Variants in POU6F2 observed in about 807,000 individuals in gnomAD.
The protein encoded by POU6F2 is POU class 6 homeobox 2.
Under a neutral mutation model 71.3 loss-of-function variants are expected in POU6F2, and 31 were observed. That is an observed-to-expected ratio of 0.43 (90% CI 0.33 to 0.59). The LOEUF (loss-of-function observed/expected upper bound fraction) is 0.59. Among genes scored for constraint, POU6F2 ranks in the 20% least tolerant of loss-of-function variants. The probability of loss-of-function intolerance (pLI) is 0.04; values close to 1 mark genes in which losing one functional copy is unlikely to be tolerated. For synonymous variants in POU6F2, 347 were observed against 355.7 expected (o/e 0.98, Z 0.27); for missense variants, 783 against 856.8 (o/e 0.91, Z 1.07).
chr7:39,149,280 A>C (rs1206077924), intron 2 of POU6F2, among the ~76,000 whole-genome samples: 1 of 152,232 alleles, frequency 6.6e-6, no homozygotes, highest in Admixed American at 6.5e-5. Context: ...GCAGAGGTTC[A>C]GTCTATATCC....
chr7:39,267,640 ATT>A (rs200632650), intron 4 of POU6F2, among the ~76,000 whole-genome samples: 1 of 148,720 alleles, frequency 6.7e-6, no homozygotes. Context: ...TATTTTATTT[ATT>A]TTTTTTTTTT....
chr7:39,034,184 A>G (rs1348325305), intron 1 of POU6F2, among the ~76,000 whole-genome samples: 2 of 152,200 alleles, frequency 1.3e-5, no homozygotes, highest in African/African-American at 4.8e-5. Flanking sequence ...GTTTCACAGA[A>G]GAGCTTCATA....
At chr7:39,283,585 G>A (rs1188029514) in intron 4 of POU6F2, among the ~76,000 whole-genome samples, 1 of 152,140 alleles carries the variant, frequency 6.6e-6, no homozygotes, top group Non-Finnish European at 1.5e-5. Context: ...CATTCATGTT[G>A]TAGTATGTAT....
At chr7:39,382,316 G>C (rs1786845699) in intron 5 of POU6F2, among the ~76,000 whole-genome samples, 1 of 152,196 alleles carries the variant, frequency 6.6e-6, no homozygotes, top group Non-Finnish European at 1.5e-5. Context: ...GAGGTTCAGA[G>C]AGACAGAACC....
At chr7:39,214,297 TG>T in intron 4 of POU6F2, among the ~76,000 whole-genome samples, 1 of 152,212 alleles carries the variant, frequency 6.6e-6, no homozygotes, top group East Asian at 1.9e-4. Flanking sequence ...TGAAGCACTC[TG>T]TTCCCACCCA....
chr7:39,047,287 A>G (rs1323404513), intron 1 of POU6F2, among the ~76,000 whole-genome samples: 3 of 151,908 alleles, frequency 2.0e-5, no homozygotes, highest in Non-Finnish European at 4.4e-5. Flanking sequence ...ATGAATCTGT[A>G]TAAATAAAAT....
intron 5 of POU6F2, among the ~76,000 whole-genome samples, chr7:39,405,841 CTCTT>C (rs1406456334): frequency 2.6e-5 from 4 of 152,198 alleles, no homozygotes; most frequent in Non-Finnish European, 1.5e-5. Context: ...CTCCCACTCT[CTCTT>C]TCTTCCTCCC....
chr7:39,369,097 A>C (rs528764863), intron 5 of POU6F2, among the ~76,000 whole-genome samples: 2 of 152,316 alleles, frequency 1.3e-5, no homozygotes, highest in African/African-American at 4.8e-5. Context: ...CTTGAGATGG[A>C]ATCTACTCCT....
chr7:39,308,607 T>C (rs1785094620), intron 4 of POU6F2, among the ~76,000 whole-genome samples: 1 of 152,136 alleles, frequency 6.6e-6, no homozygotes, highest in South Asian at 2.1e-4. Flanking sequence ...CAGAACATTA[T>C]TCTCAAAAAC....
intron 7 of POU6F2, among the ~76,000 whole-genome samples, chr7:39,438,877 T>C (rs1413515067): frequency 6.6e-6 from 1 of 152,244 alleles, no homozygotes; most frequent in Non-Finnish European, 1.5e-5. Flanking sequence ...TAGGTCCACT[T>C]GATCCAGAGC....
intron 4 of POU6F2, among the ~76,000 whole-genome samples, chr7:39,254,882 C>T (rs1783991406): frequency 1.3e-5 from 2 of 152,302 alleles, no homozygotes; most frequent in African/African-American, 4.8e-5. Flanking sequence ...GCAGCAGCAG[C>T]GTACACAACA....
chr7:39,015,877 ATATATATTATATAT>A (rs797003411), intron 1 of POU6F2, among the ~76,000 whole-genome samples: 2 of 50,230 alleles, frequency 4.0e-5, no homozygotes, highest in Non-Finnish European at 7.2e-5. Flanking sequence ...TTATATATAG[ATATATATTATATAT>A]TATATATAGA....
chr7:39,418,076 A>G (rs980759298), intron 6 of POU6F2, among the ~76,000 whole-genome samples: 7 of 152,214 alleles, frequency 4.6e-5, no homozygotes, highest in African/African-American at 1.7e-4. Context: ...AGATTAAGAA[A>G]CTTCCAATAT....
chr7:39,139,170 G>T (rs1792445601), intron 2 of POU6F2, among the ~76,000 whole-genome samples: 2 of 152,204 alleles, frequency 1.3e-5, no homozygotes, highest in African/African-American at 4.8e-5. Context: ...CCATCTTACT[G>T]ATCCCTAGCA....
At chr7:38,994,717 C>T (rs1788691967) in intron 1 of POU6F2, among the ~76,000 whole-genome samples, 1 of 152,174 alleles carries the variant, frequency 6.6e-6, no homozygotes, top group South Asian at 2.1e-4. Flanking sequence ...TACTCTTCCC[C>T]TCCCTGGTTC....
At chr7:39,333,611 G>A (rs1002204563) in intron 4 of POU6F2, among the ~76,000 whole-genome samples, 1 of 152,018 alleles carries the variant, frequency 6.6e-6, no homozygotes, top group Admixed American at 6.6e-5. Context: ...AGTGGCACGC[G>A]CCTATAGTCC....
chr7:39,317,964 A>G (rs1022317033), intron 4 of POU6F2, among the ~76,000 whole-genome samples: 2 of 152,126 alleles, frequency 1.3e-5, no homozygotes, highest in African/African-American at 4.8e-5. Flanking sequence ...CCTCTTAAAG[A>G]CTTCGCCCTT....
intron 2 of POU6F2, among the ~76,000 whole-genome samples, chr7:39,144,844 G>T (rs1179746136): frequency 6.6e-6 from 1 of 152,186 alleles, no homozygotes; most frequent in African/African-American, 2.4e-5. Context: ...CAGGAACACA[G>T]CTCTGGAGAT....
chr7:39,357,444 G>T (rs1337803010), intron 5 of POU6F2, among the ~76,000 whole-genome samples: 1 of 152,190 alleles, frequency 6.6e-6, no homozygotes, highest in Non-Finnish European at 1.5e-5. Flanking sequence ...CCCACAGTTT[G>T]TAAGAGGTGG....
Sources: gnomAD v4.1 joint callset for allele counts (sites outside exome capture counted in the v4.1 genomes callset) on GRCh38, gnomAD v4.1.1 for gene constraint, MANE v1.5 for transcripts, NCBI Gene and HGNC (gene_info 2026-07-23, HGNC 2026-07-21) for gene names.